RSL24D1: variants seen among roughly 807,000 people sequenced by gnomAD.
RSL24D1 encodes the protein ribosomal L24 domain containing 1, also known as probable ribosome biogenesis protein RLP24.
A neutral mutation model predicts 26.2 loss-of-function variants in RSL24D1; 6 were observed. The ratio of observed to expected loss-of-function variants is 0.23; its 90% CI spans 0.13 to 0.45. The LOEUF (loss-of-function observed/expected upper bound fraction) is 0.45. Among genes scored for constraint, RSL24D1 ranks in the 20% least tolerant of loss-of-function variants. The pLI, the probability that RSL24D1 is intolerant of heterozygous loss-of-function variation, is 0.99. For missense variants in RSL24D1, 176 were observed against 202.6 expected (o/e 0.87, Z 0.80); for synonymous variants, 61 against 59.1 (o/e 1.03, Z -0.15).
intron 1 of RSL24D1, chr15:55,195,516 C>G (rs1894345543): frequency 6.6e-6 from 1 of 152,224 alleles, no homozygotes; most frequent in South Asian, 2.1e-4. Context: ...TCCACTGTGT[C>G]TACCAAATCA....
At chr15:55,191,187 T>C (rs566649188) in intron 2 of RSL24D1, 140 bp from the exon 3 acceptor site, 4 of 607,228 alleles carry the variant, frequency 6.6e-6, no homozygotes, top group African/African-American at 3.8e-5. Context: ...TCAGAGAATA[T>C]AGGTTTTCAA....
At chr15:55,188,021 G>A (rs1016225139) in intron 3 of RSL24D1, among the ~76,000 whole-genome samples, 7 of 152,022 alleles carry the variant, frequency 4.6e-5, no homozygotes, top group African/African-American at 1.4e-4. Context: ...TATTTTTCCC[G>A]GTATTTTTGA....
intron 1 of RSL24D1, chr15:55,196,448 A>T: frequency 3.9e-6 from 2 of 507,332 alleles, no homozygotes; most frequent in South Asian, 3.1e-5. Flanking sequence ...AATGCCTGAC[A>T]GGGTATACAC....
chr15:55,188,771 A>G (rs779722343), intron 3 of RSL24D1, among the ~76,000 whole-genome samples: 2 of 152,258 alleles, frequency 1.3e-5, no homozygotes, highest in Non-Finnish European at 2.9e-5. Context: ...CTTTTCAACA[A>G]CAACCTAAAT....
chr15:55,184,109 C>A lies in RSL24D1; in HGVS notation c.333-709G>T, dbSNP rs560234051. ...GTGAAATGCTTTAAAATTTTTAAGC[C>A]AGAAAGCTGCTGGCACGTGCTTCTT... On this transcript the variant is annotated intron_variant, in intron 4 of 5. Transcript: ENST00000260443. 4.5e-4 allele frequency among the ~76,000 whole-genome samples: 69 copies of A among 152,220 alleles called. 1 individual carries two copies. The highest frequency in any genetic ancestry group is 1.6e-3 in the African/African-American group (68 of 41,530).
intron 5 of RSL24D1, among the ~76,000 whole-genome samples, chr15:55,182,432 T>G (rs1326139365): frequency 6.6e-6 from 1 of 152,168 alleles, no homozygotes; most frequent in African/African-American, 2.4e-5. Context: ...CATTTCACCC[T>G]CATAACAACC....
At chr15:55,185,622 C>T (rs188479115) in intron 3 of RSL24D1, among the ~76,000 whole-genome samples, 197 bp from the exon 4 acceptor site, 73 of 152,252 alleles carry the variant, frequency 4.8e-4, no homozygotes, top group African/African-American at 1.7e-3. Context: ...CATTCTCTTT[C>T]ACAAGTATCA....
chr15:55,189,705 A>G (rs1338462214), intron 3 of RSL24D1, among the ~76,000 whole-genome samples: 1 of 152,162 alleles, frequency 6.6e-6, no homozygotes, highest in Non-Finnish European at 1.5e-5. Context: ...GGGAAGCCAA[A>G]GATTGGATGC....
intron 4 of RSL24D1, among the ~76,000 whole-genome samples, chr15:55,183,928 T>C (rs1430035378): frequency 6.6e-6 from 1 of 152,152 alleles, no homozygotes; most frequent in African/African-American, 2.4e-5. Flanking sequence ...CTCTACTACA[T>C]AAAACAACCT....
chr15:55,187,700 C>T (rs1317023682), intron 3 of RSL24D1, among the ~76,000 whole-genome samples: 3 of 151,410 alleles, frequency 2.0e-5, no homozygotes, highest in African/African-American at 4.9e-5. Context: ...GCTATGGGCA[C>T]GCAAAGGCAT....
rs1894190393 is a variant in RSL24D1, at chr15:55,183,332, A to G, written c.401T>C (p.Ile134Thr). 1.2e-6 allele frequency: 2 copies of G among 1,611,484 alleles called. No homozygotes were observed. Among genetic ancestry groups the G allele is most frequent in the Admixed American group, 3.3e-5 (2 of 59,878 alleles). ...GTACTCACCTGCAAGAGGGGCTCGG[A>G]TAAGATGGATGTTTTGCTTGACTTC... is the stretch of plus-strand genomic sequence containing the variant. The part of the protein sequence containing the change: ...IKEVKQNIHL[I>T]RAPLAGKGKQ... The change falls in exon 5 of 6, where the codon ATC (isoleucine) becomes ACC (threonine). Residue 134 changes from isoleucine (I) to threonine (T), a missense_variant. Ile to Thr is a moderately conservative substitution (Grantham distance 89). Around this residue, in one of 3 missense-constraint regions of RSL24D1, gnomAD observed 43 missense variants for 38.7 expected, o/e 1.11. Transcript: ENST00000260443.
At chr15:55,190,918 T>G in intron 3 of RSL24D1, 57 bp downstream of exon 3, 1 of 1,096,852 alleles carries the variant, frequency 9.1e-7, no homozygotes, top group Non-Finnish European at 1.4e-6. Flanking sequence ...CTTAAAGTTA[T>G]AGTATTATCC....
chr15:55,184,771 T>A (rs543272462), intron 4 of RSL24D1, among the ~76,000 whole-genome samples: 1 of 152,168 alleles, frequency 6.6e-6, no homozygotes, highest in Non-Finnish European at 1.5e-5. Context: ...CTTCCCGATA[T>A]GATGCATGAG....
rs1274922085 is a variant in RSL24D1, at chr15:55,191,064, A to C, written c.196-17T>G. On this transcript the variant is annotated splice_polypyrimidine_tract_variant and intron_variant, in intron 2 of 5. Coordinates refer to ENST00000260443, the MANE Select transcript of RSL24D1 (RefSeq NM_016304.3). ...TGAATTATCCTGTAAGAGGGAACAG[A>C]GGAGATAAAAATAAGGTTTTAAGAA... The C allele has an allele frequency of 1.9e-6, 3 of 1,540,960 alleles. No homozygotes were observed. The African/African-American group carries it at 4.2e-5, about 21-fold the overall frequency.
At chr15:55,194,821 C>T (rs1205748098) in intron 1 of RSL24D1, among the ~76,000 whole-genome samples, 1 of 150,360 alleles carries the variant, frequency 6.7e-6, no homozygotes, top group Non-Finnish European at 1.5e-5. Flanking sequence ...CACACACACA[C>T]ACACACACAC....
intron 4 of RSL24D1, among the ~76,000 whole-genome samples, chr15:55,184,481 T>C (rs1455598690): frequency 1.3e-5 from 2 of 152,094 alleles, no homozygotes; most frequent in Non-Finnish European, 2.9e-5. Context: ...GAAAATCAAC[T>C]AAAAAATGTA....
intron 3 of RSL24D1, among the ~76,000 whole-genome samples, chr15:55,187,744 G>A (rs1393648068): frequency 6.6e-6 from 1 of 152,048 alleles, no homozygotes; most frequent in Admixed American, 6.6e-5. Context: ...GGACTCAGAA[G>A]GGGGAGTGGG....
intron 1 of RSL24D1, among the ~76,000 whole-genome samples, chr15:55,193,940 T>G (rs1434753613): frequency 6.6e-6 from 1 of 152,222 alleles, no homozygotes; most frequent in Non-Finnish European, 1.5e-5. Context: ...TGAAAATCAT[T>G]GTGAAATGAA....
chr15:55,192,988 T>C (rs543831446), intron 1 of RSL24D1, among the ~76,000 whole-genome samples, 155 bp from the exon 2 acceptor site: 1 of 152,324 alleles, frequency 6.6e-6, no homozygotes, highest in East Asian at 1.9e-4. Context: ...AACTATTTTT[T>C]GACTATCAAA....
Sources: allele counts gnomAD v4.1 joint callset (sites outside exome capture counted in the v4.1 genomes callset), GRCh38; gene constraint gnomAD v4.1.1; regional missense constraint gnomAD v4.1.1; transcripts MANE v1.5; gene names NCBI Gene and HGNC (gene_info 2026-07-23, HGNC 2026-07-21).